Variants in SPG7 observed in about 807,000 individuals in gnomAD.
SPG7 encodes SPG7 matrix AAA peptidase subunit, paraplegin.
Under a neutral mutation model 81.9 loss-of-function variants are expected in SPG7, and 103 were observed. The observed-to-expected ratio is 1.26, with a 90% CI of 1.07 to 1.48. The LOEUF is 1.48. SPG7 is among the 40% of genes most tolerant of loss of function. SPG7 has a pLI of 0.00. For missense variants in SPG7, 1,241 were observed against 1,087.3 expected, an observed-to-expected ratio of 1.14 and a Z score of -1.99; for synonymous variants, 534 against 444.2, an observed-to-expected ratio of 1.20 and a Z score of -2.54.
In SPG7 at chr16:89,531,885, A is replaced by T. The variant is rs372502674; in HGVS notation, c.988-19A>T. 1 of 1,613,836 alleles carries T rather than the reference A, an allele frequency of 6.2e-7. No individual in the cohort carries two copies. ...GGAATCCCCAAGTAGTTAGTGTTGCATTGTCTGCTGCCGTCCAGAGCCCAG... is the reference window on the plus strand; with the variant it reads ...GGAATCCCCAAGTAGTTAGTGTTGCTTTGTCTGCTGCCGTCCAGAGCCCAG... On this transcript the variant is annotated intron_variant, in intron 7 of 16. Coordinates refer to ENST00000645818, the MANE Select transcript of SPG7 (RefSeq NM_003119.4).
chr16:89,556,646 A>C (rs2058689826), intron 16 of SPG7: 1 of 537,740 alleles, frequency 1.9e-6, no homozygotes, highest in African/African-American at 1.9e-5. Flanking sequence ...AAAATAAGCC[A>C]AGATTTTGAA....
intron 9 of SPG7, chr16:89,538,608 G>C (rs1329587364): frequency 6.6e-6 from 1 of 152,626 alleles, no homozygotes; most frequent in Non-Finnish European, 1.5e-5. Context: ...TGCTGTTTCT[G>C]CCCTCTGTCC....
chr16:89,535,969 ACT>A (rs2058409683), intron 9 of SPG7, among the ~76,000 whole-genome samples: 5 of 108,264 alleles, frequency 4.6e-5, no homozygotes, highest in Non-Finnish European at 5.8e-5. Context: ...TGTGGCCTTC[ACT>A]GTGGCCTCTC....
chr16:89,510,639 C>A, intron 2 of SPG7, 47 bp downstream of exon 2: 1 of 1,111,364 alleles, frequency 9.0e-7, no homozygotes, highest in Non-Finnish European at 1.4e-6. Context: ...GCACACTTAC[C>A]GCCTCAGCTA....
rs974082936 is a variant in SPG7, at chr16:89,553,802, G to A, written c.1945G>A (p.Asp649Asn). Reference protein sequence around the residue: ...SFNEVTSGAQDDLRKVTRIAY... With the variant: ...SFNEVTSGAQNDLRKVTRIAY... ...TCGACCCCGCCCTCCAGGGGCACAG[G>A]ACGACCTGAGGAAGGTCACCCGCAT... The change falls in exon 15 of 17, where the codon GAC becomes AAC. Residue 649 changes from aspartate to asparagine, a missense_variant. Asp to Asn is a conservative substitution (Grantham distance 23). Transcript: ENST00000645818. The A allele has an allele frequency of 6.2e-7, 1 of 1,613,494 alleles. No homozygotes were observed. Among genetic ancestry groups the A allele is most frequent in the African/African-American group, 1.3e-5 (1 of 75,070 alleles).
chr16:89,531,163 G>T (rs1015985740), intron 7 of SPG7: 1 of 384,450 alleles, frequency 2.6e-6, no homozygotes, highest in African/African-American at 2.1e-5. Flanking sequence ...TCACTTACAC[G>T]TTTCCTCCGC....
At chr16:89,552,871 T>C (rs2058649920) in intron 13 of SPG7, 108 bp from the exon 14 acceptor site, 4 of 1,089,780 alleles carry the variant, frequency 3.7e-6, no homozygotes, top group African/African-American at 3.1e-5. Context: ...CACATTTGCC[T>C]TCCTGCTTTG....
chr16:89,544,560 C>T, intron 9 of SPG7, 88 bp from the exon 10 acceptor site: 1 of 1,520,652 alleles, frequency 6.6e-7, no homozygotes, highest in Non-Finnish European at 9.1e-7. Flanking sequence ...GTCTCTCTCC[C>T]TCCTGTGTCC....
chr16:89,546,678 G>C lies in SPG7; in HGVS notation c.1470G>C (p.Glu490Asp). 1 of 1,613,378 alleles carries C rather than the reference G, an allele frequency of 6.2e-7. No homozygotes were observed. Among genetic ancestry groups the C allele is most frequent in the African/African-American group, 1.3e-5 (1 of 74,962 alleles). The change falls in exon 11 of 17, where the codon GAG (glutamate) becomes GAC (aspartate). Residue 490 changes from glutamate to aspartate, a missense_variant. Glu to Asp is a conservative substitution (Grantham distance 45). Coordinates refer to ENST00000645818, the MANE Select transcript of SPG7 (RefSeq NM_003119.4). ...PTLQERREIF[E>D]QHLKSLKLTQ... ...GGCAGGAGAGGCGGGAGATTTTTGA[G>C]CAGCACCTGAAGAGCCTGAAGCTGA...
intron 12 of SPG7, chr16:89,548,407 A>G: frequency 2.6e-6 from 1 of 382,692 alleles, no homozygotes; most frequent in East Asian, 5.9e-5. Flanking sequence ...AAATAATAAA[A>G]ACTAAAAATG....
At chr16:89,534,639 A>C (rs1033083751) in intron 9 of SPG7, among the ~76,000 whole-genome samples, 1 of 151,726 alleles carries the variant, frequency 6.6e-6, no homozygotes. Flanking sequence ...TGCACAGCCC[A>C]GTTTTGACTA....
intron 3 of SPG7, among the ~76,000 whole-genome samples, chr16:89,514,866 G>A (rs1567897890): frequency 6.6e-6 from 1 of 151,790 alleles, no homozygotes; most frequent in Non-Finnish European, 1.5e-5. Context: ...CTGACCTCAG[G>A]TGATTCACCC....
At chr16:89,536,485 G>A (rs956729443) in intron 9 of SPG7, among the ~76,000 whole-genome samples, 2 of 99,290 alleles carry the variant, frequency 2.0e-5, no homozygotes, top group African/African-American at 7.1e-5. Flanking sequence ...GGCGGGTGAG[G>A]TCAGGTGAGG....
intron 2 of SPG7, among the ~76,000 whole-genome samples, chr16:89,511,606 C>G (rs1461805718): frequency 6.6e-6 from 1 of 152,356 alleles, no homozygotes; most frequent in South Asian, 2.1e-4. Flanking sequence ...GCACATGCTT[C>G]AGCCTCCTTA....
At chr16:89,530,867 C>G in intron 7 of SPG7, 59 bp downstream of exon 7, 1 of 1,609,942 alleles carries the variant, frequency 6.2e-7, no homozygotes, top group Non-Finnish European at 8.5e-7. Context: ...CCTCCTCTCC[C>G]AGAAGGGCTC....
At chr16:89,539,594 T>G (rs1336752048) in intron 9 of SPG7, 1 of 152,056 alleles carries the variant, frequency 6.6e-6, no homozygotes, top group Non-Finnish European at 1.5e-5. Flanking sequence ...TGAGACAGAG[T>G]CTTGCTCTGT....
intron 9 of SPG7, chr16:89,536,660 G>A (rs532647000): frequency 1.3e-5 from 18 of 1,409,080 alleles, no homozygotes; most frequent in African/African-American, 8.5e-5. Context: ...CGAGGCAGGC[G>A]AGGCGGGTGA....
At chr16:89,511,314 A>G (rs180813306) in intron 2 of SPG7, among the ~76,000 whole-genome samples, 123 of 152,334 alleles carry the variant, frequency 8.1e-4, no homozygotes, top group Non-Finnish European at 1.4e-3. Flanking sequence ...TTGCTCTTCA[A>G]TAAATCATTT....
chr16:89,536,990 T>G (rs1597643370), intron 9 of SPG7: 3 of 1,613,672 alleles, frequency 1.9e-6, no homozygotes, highest in Non-Finnish European at 2.5e-6. Context: ...AACCTCTCTG[T>G]GCCATCATAA....
Sources: allele counts gnomAD v4.1 joint callset (sites outside exome capture counted in the v4.1 genomes callset), GRCh38; gene constraint gnomAD v4.1.1; transcripts MANE v1.5; gene names NCBI Gene and HGNC (gene_info 2026-07-23, HGNC 2026-07-21).